JARID2: variants seen among roughly 807,000 people sequenced by gnomAD.
JARID2 encodes the protein jumonji and AT-rich interaction domain containing 2.
A neutral mutation model predicts 125.6 loss-of-function variants in JARID2; 21 were observed. The observed-to-expected ratio is 0.17, with a 90% CI of 0.12 to 0.24. The LOEUF is 0.24. Among genes scored for constraint, JARID2 ranks in the 10% least tolerant of loss-of-function variants. JARID2 has a pLI of 1.00. For synonymous variants in JARID2, 736 were observed against 661.6 expected, an observed-to-expected ratio of 1.11 and a Z score of -1.73; for missense variants, 1,303 against 1,639.6, an observed-to-expected ratio of 0.79 and a Z score of 3.55.
chr6:15,247,957 C>T lies in JARID2; in HGVS notation c.45+1373C>T, dbSNP rs973008043. 3 of 985,358 alleles carry T rather than the reference C, an allele frequency of 3.0e-6. No homozygotes were observed. The African/African-American group carries it at 5.2e-5, about 17-fold the overall frequency. The allele number at this position is 985,358 out of a possible 1,614,324, so 61.0% of individuals were successfully genotyped here. A position where few individuals can be genotyped will look rare whatever the true frequency, so the allele number is the denominator to read the frequency against. On this transcript the variant is annotated intron_variant, in intron 1 of 17. Transcript: ENST00000341776. ...GGAGCGTGGACGCCTTCCCGGGGCA[C>T]GTCCGTTTCGGATGCAGCCACAAAG...
At chr6:15,306,589 CG>C (rs1341873430) in intron 1 of JARID2, among the ~76,000 whole-genome samples, 3 of 151,830 alleles carry the variant, frequency 2.0e-5, no homozygotes, top group Non-Finnish European at 4.4e-5. Context: ...CCGCCCGCCT[CG>C]GCCTCCCAAA....
intron 1 of JARID2, among the ~76,000 whole-genome samples, chr6:15,321,716 A>G (rs1388047302): frequency 2.0e-5 from 3 of 151,590 alleles, no homozygotes; most frequent in African/African-American, 7.3e-5. Flanking sequence ...TTCTTTGAAG[A>G]TATGAGACTT....
chr6:15,412,767 G>GCTT (rs1459691930), intron 3 of JARID2, among the ~76,000 whole-genome samples: 1 of 152,170 alleles, frequency 6.6e-6, no homozygotes, highest in Non-Finnish European at 1.5e-5. Flanking sequence ...AATTTCCAGA[G>GCTT]CTTCGGTAGT....
chr6:15,448,316 G>A (rs1248686026), intron 3 of JARID2, among the ~76,000 whole-genome samples: 2 of 152,188 alleles, frequency 1.3e-5, no homozygotes, highest in East Asian at 1.9e-4. Flanking sequence ...ATTGGTAGGA[G>A]CAGTTTATCT....
At chr6:15,362,692 G>T (rs1180542230) in intron 1 of JARID2, among the ~76,000 whole-genome samples, 1 of 152,178 alleles carries the variant, frequency 6.6e-6, no homozygotes, top group Non-Finnish European at 1.5e-5. Context: ...GCTTCAGTAG[G>T]GGAAGTGGTG....
rs985020505 is a variant in JARID2, at chr6:15,478,114, C to T, written c.671-9193C>T. On this transcript the variant is annotated intron_variant, in intron 5 of 17. Transcript: ENST00000341776. ...TAGTGGGGGATATAGGCACACACTT[C>T]GGGATAGTTGGCCCATGCCCCATGA... 2.0e-5 allele frequency among the ~76,000 whole-genome samples: 3 copies of T among 152,190 alleles called. No homozygotes were observed. In the East Asian group the frequency reaches 5.8e-4, roughly 29 times the overall value.
At chr6:15,251,823 C>G (rs187519687) in intron 1 of JARID2, among the ~76,000 whole-genome samples, 1 of 152,134 alleles carries the variant, frequency 6.6e-6, no homozygotes, top group Non-Finnish European at 1.5e-5. Context: ...ACTAAAAATA[C>G]AAAAATTACC....
intron 1 of JARID2, among the ~76,000 whole-genome samples, chr6:15,316,574 G>A (rs750585028): frequency 5.9e-5 from 9 of 151,980 alleles, no homozygotes; most frequent in Non-Finnish European, 7.4e-5. Flanking sequence ...TCTCTCTGTC[G>A]CCCAGGCAGG....
rs569493507 is a variant in JARID2 at position 15,311,667 on chromosome 6, A to G, written c.46-62450A>G. 1.8e-4 allele frequency among the ~76,000 whole-genome samples: 27 copies of G among 152,312 alleles called. No individual in the cohort carries two copies. In the East Asian group the frequency reaches 4.6e-3, roughly 26 times the overall value. On this transcript the variant is annotated intron_variant, in intron 1 of 17. Coordinates refer to ENST00000341776, the MANE Select transcript of JARID2 (RefSeq NM_004973.4). The stretch of plus-strand genomic sequence containing the variant: ...AATATTCGATCTGCCTTTCTGCACA[A>G]TACAAAAGCAAAGTCCTTAACACAA...
At chr6:15,279,103 A>ATTGTCC (rs1166615484) in intron 1 of JARID2, among the ~76,000 whole-genome samples, 4 of 133,980 alleles carry the variant, frequency 3.0e-5, no homozygotes, top group African/African-American at 1.6e-4. Flanking sequence ...AAAAAAAAAA[A>ATTGTCC]AGATAAATTG....
chr6:15,383,845 A>G (rs1764682915), intron 2 of JARID2, among the ~76,000 whole-genome samples: 1 of 152,176 alleles, frequency 6.6e-6, no homozygotes, highest in Non-Finnish European at 1.5e-5. Flanking sequence ...TCCAGGCTGG[A>G]GTGCAATGGC....
chr6:15,248,522 C>G (rs1395567307), intron 1 of JARID2: 1 of 148,564 alleles, frequency 6.7e-6, no homozygotes, highest in Non-Finnish European at 1.5e-5. Context: ...CGCACACGGC[C>G]GAGCATGGCG....
intron 1 of JARID2, among the ~76,000 whole-genome samples, chr6:15,367,445 TC>T (rs1764020214): frequency 6.6e-6 from 1 of 152,210 alleles, no homozygotes. Flanking sequence ...TAGTTTTTTT[TC>T]ATATATTGTT....
At chr6:15,356,653 A>G (rs1763609865) in intron 1 of JARID2, among the ~76,000 whole-genome samples, 1 of 152,214 alleles carries the variant, frequency 6.6e-6, no homozygotes, top group South Asian at 2.1e-4. Context: ...TACAGGAACA[A>G]AGTAGAGACA....
chr6:15,381,026 ATTATTAT>A (rs1333148504), intron 2 of JARID2, among the ~76,000 whole-genome samples: 1 of 150,486 alleles, frequency 6.6e-6, no homozygotes, highest in East Asian at 1.9e-4. Context: ...ATTATCATTT[ATTATTAT>A]TTATTATTAT....
rs537706245 is a variant in JARID2 at position 15,423,575 on chromosome 6, T to C, written c.323+13210T>C. Among the ~76,000 whole-genome samples, 8 of 152,206 alleles carry C rather than the reference T, an allele frequency of 5.3e-5. No individual in the cohort carries two copies. The South Asian group carries it at 1.7e-3, about 32-fold the overall frequency. ...TTTTATGGGTCATGTGTGGGTAGAT[T>C]TGTGTGGCTTACGTGGCAGGATGGA... On this transcript the variant is annotated intron_variant, in intron 3 of 17. Transcript: ENST00000341776.
intron 2 of JARID2, among the ~76,000 whole-genome samples, chr6:15,389,922 C>T (rs1764934790): frequency 6.6e-6 from 1 of 152,178 alleles, no homozygotes; most frequent in Admixed American, 6.5e-5. Flanking sequence ...GTGTGTAGTG[C>T]AGCAATTTAC....
At chr6:15,439,121 C>T (rs1467853222) in intron 3 of JARID2, among the ~76,000 whole-genome samples, 3 of 151,902 alleles carry the variant, frequency 2.0e-5, no homozygotes, top group Admixed American at 6.6e-5. Context: ...TACAGTGCCT[C>T]TCATAGGAAG....
chr6:15,297,418 T>G (rs1761454240), intron 1 of JARID2, among the ~76,000 whole-genome samples: 1 of 151,970 alleles, frequency 6.6e-6, no homozygotes, highest in African/African-American at 2.4e-5. Flanking sequence ...ATTACAAGCA[T>G]GAGCCACCGC....
Sources: allele counts gnomAD v4.1 joint callset (sites outside exome capture counted in the v4.1 genomes callset), GRCh38; gene constraint gnomAD v4.1.1; transcripts MANE v1.5; gene names NCBI Gene and HGNC (gene_info 2026-07-23, HGNC 2026-07-21).